The following WDR86 variants were observed in gnomAD, a reference collection of about 807,000 sequenced individuals.
WDR86 encodes the protein WD repeat domain 86, also known as WD repeat-containing protein 86.
Under a neutral mutation model 36.5 loss-of-function variants are expected in WDR86, and 30 were observed. The ratio of observed to expected loss-of-function variants is 0.82; its 90% CI spans 0.61 to 1.11. The LOEUF (loss-of-function observed/expected upper bound fraction) is 1.11, where lower values mean the gene tolerates loss of function less well. Among genes scored for constraint, WDR86 ranks in the 50% most tolerant of loss-of-function variants. The probability of loss-of-function intolerance (pLI) is 0.00; values close to 1 mark genes in which losing one functional copy is unlikely to be tolerated. For missense variants in WDR86, 545 were observed against 561.2 expected, an observed-to-expected ratio of 0.97 and a Z score of 0.29; for synonymous variants, 255 against 252.9, an observed-to-expected ratio of 1.01 and a Z score of -0.08.
Position 151,395,802 on chromosome 7 carries a change from G to T in WDR86, c.700C>A (p.His234Asn). The T allele has an allele frequency of 6.4e-7, 1 of 1,566,300 alleles. No individual in the cohort carries two copies. Reference protein sequence around the residue: ...SGEQLRVFREHRGSVICLELV... With the variant: ...SGEQLRVFRENRGSVICLELV... ...TCCAGACAGATGACGGAGCCCCGGT[G>T]CTCCCGGAACACCCGCAGCTGCTCC... The change falls in exon 3 of 6, where the codon CAC becomes AAC. Residue 234 changes from histidine to asparagine, a missense_variant. Physicochemically the swap from His to Asn is moderately conservative, Grantham distance 68 (BLOSUM62 1). Coordinates refer to ENST00000334493, the MANE Select transcript of WDR86 (RefSeq NM_198285.3).
chr7:151,393,032 A>T (rs542374168), intron 3 of WDR86, among the ~76,000 whole-genome samples: 2 of 152,122 alleles, frequency 1.3e-5, no homozygotes, highest in South Asian at 4.2e-4. Flanking sequence ...TTCCCATTCA[A>T]ATTGCTTTGT....
At chr7:151,410,184 T>G, upstream of WDR86, 5 of 704,030 alleles carry the variant, frequency 7.1e-6, no homozygotes, top group Non-Finnish European at 7.0e-6. Flanking sequence ...GCGACCCTCC[T>G]AGCTGCCCGG....
chr7:151,402,070 A>AAAAAAAAATATATATATAT, intron 1 of WDR86, among the ~76,000 whole-genome samples: 47 of 50,476 alleles, frequency 9.3e-4, no homozygotes, highest in Non-Finnish European at 1.4e-3. Flanking sequence ...AAAAAAAAAA[A>AAAAAAAAATATATATATAT]ATATATATAT....
At chr7:151,397,221 G>A (rs867291015) in intron 2 of WDR86, among the ~76,000 whole-genome samples, 1 of 152,122 alleles carries the variant, frequency 6.6e-6, no homozygotes, top group Non-Finnish European at 1.5e-5. Flanking sequence ...CCGTCCTCCC[G>A]CGAAGGGCTT....
At chr7:151,396,416 C>A (rs1327724643) in intron 2 of WDR86, among the ~76,000 whole-genome samples, 1 of 152,220 alleles carries the variant, frequency 6.6e-6, no homozygotes, top group African/African-American at 2.4e-5. Context: ...TGCCCCTGGG[C>A]ATGTACCTGT....
chr7:151,389,580 G>A (rs371644706), intron 3 of WDR86, among the ~76,000 whole-genome samples: 3 of 152,156 alleles, frequency 2.0e-5, no homozygotes, highest in African/African-American at 4.8e-5. Context: ...AATGGGGCTC[G>A]CAAAGCCACT....
rs1344408316 is a variant in WDR86, at chr7:151,397,676, GCA to G, written c.306-1482_306-1481del. ...GAGGAAGGGCATAGCGGGAGGAAGA[GCA>G]TAGCGGGAGGAAGAGGGTGTAGTGG... On this transcript the variant is annotated intron_variant, in intron 2 of 5. Transcript: ENST00000334493. 2.2e-3 allele frequency among the ~76,000 whole-genome samples: 109 copies of G among 50,254 alleles called. 2 individuals are homozygous for G. Among genetic ancestry groups the G allele is most frequent in the East Asian group, 4.5e-3 (4 of 896 alleles). 33.0% of individuals were successfully genotyped at this position (50,254 alleles called of 152,430 possible).
rs752130636 is a variant in WDR86, at chr7:151,381,464, G to A, written c.*118C>T. The A allele has an allele frequency of 1.4e-5, 21 of 1,488,588 alleles. 1 individual carries two copies. In the South Asian group the frequency reaches 1.5e-4, roughly 11 times the overall value. 92.2% of individuals were successfully genotyped at this position (1,488,588 alleles called of 1,614,324 possible). On this transcript the variant is annotated 3_prime_UTR_variant, in exon 6 of 6. Coordinates refer to ENST00000334493, the MANE Select transcript of WDR86 (RefSeq NM_198285.3). The surrounding 1 kb of genome is among the most constrained non-coding windows in gnomAD (Gnocchi z 4.8). ...CCTGCGACGGGCTCTCCTCCCGCCC[G>A]GGCTTCCTCGCTCCTCGCCCCTCGC...
chr7:151,384,994 A>G lies in WDR86; in HGVS notation c.862+94T>C, dbSNP rs554182149. ...ATTGGACGCTGATGATTGGCAGCCA[A>G]GGCTCAATGAGGGAAAATCCCATAG... On this transcript the variant is annotated intron_variant, in intron 4 of 5. Transcript: ENST00000334493. 7.9e-5 allele frequency: 107 copies of G among 1,353,782 alleles called. No individual in the cohort carries two copies. In the African/African-American group the frequency reaches 1.3e-3, roughly 17 times the overall value. The allele number at this position is 1,353,782 out of a possible 1,614,324, so 83.9% of individuals were successfully genotyped here.
chr7:151,384,229 G>C (rs1423734197), intron 4 of WDR86, among the ~76,000 whole-genome samples: 1 of 152,188 alleles, frequency 6.6e-6, no homozygotes, highest in Admixed American at 6.5e-5. Flanking sequence ...GAGACCTGTA[G>C]GACAGACAGC....
downstream of WDR86, chr7:151,381,058 G>A (rs1584987606): frequency 3.0e-6 from 3 of 1,007,068 alleles, no homozygotes; most frequent in East Asian, 1.2e-4. This position sits in a 1 kb window ranked among gnomAD's most constrained non-coding sequence, Gnocchi z 4.8. Flanking sequence ...CTGGGTTCCT[G>A]GAATCCCAAG....
intron 3 of WDR86, among the ~76,000 whole-genome samples, chr7:151,393,996 C>T (rs1030905739): frequency 1.3e-5 from 2 of 152,196 alleles, no homozygotes; most frequent in African/African-American, 4.8e-5. Flanking sequence ...CTGACCTTCC[C>T]TTCTTTCCTG....
At chr7:151,374,430 A>T (rs1182315724), downstream of WDR86, 3 of 752,736 alleles carry the variant, frequency 4.0e-6, no homozygotes, top group Non-Finnish European at 6.7e-6. Context: ...GTGAGGCCCC[A>T]TGCTCAGTGC....
chr7:151,387,104 C>T (rs1490793163), intron 3 of WDR86, among the ~76,000 whole-genome samples: 3 of 152,206 alleles, frequency 2.0e-5, no homozygotes, highest in African/African-American at 4.8e-5. Flanking sequence ...GTGCTTGCGT[C>T]CCAGACAGTC....
chr7:151,410,050 C>G, upstream of WDR86: 1 of 987,714 alleles, frequency 1.0e-6, no homozygotes, highest in Non-Finnish European at 1.2e-6. Context: ...CAGCCTGGCT[C>G]CTCCTCAGAG....
rs1158527791 is a variant in WDR86, at chr7:151,388,488, G to T, written c.727-3265C>A. The stretch of plus-strand genomic sequence containing the variant: ...GCCACCACAGACAGGGTGCCCCCTG[G>T]CTTTTTGACCTTGGGTTTGTCGCTT... On this transcript the variant is annotated intron_variant, in intron 3 of 5. Coordinates refer to ENST00000334493, the MANE Select transcript of WDR86 (RefSeq NM_198285.3). The surrounding 1 kb of genome is among the most constrained non-coding windows in gnomAD (Gnocchi z 4.2). Among the ~76,000 whole-genome samples the T allele has an allele frequency of 6.6e-6, 1 of 152,140 alleles. No individual in the cohort carries two copies. Among genetic ancestry groups the T allele is most frequent in the African/African-American group, 2.4e-5 (1 of 41,440 alleles).
In WDR86 at chr7:151,385,071, A is replaced by G. The variant is rs1178558949; in HGVS notation, c.862+17T>C. 6.3e-7 allele frequency: 1 copy of G among 1,580,984 alleles called. No homozygotes were observed. Among genetic ancestry groups the G allele is most frequent in the Non-Finnish European group, 8.6e-7 (1 of 1,159,566 alleles). On this transcript the variant is annotated intron_variant, in intron 4 of 5. Transcript: ENST00000334493. ...CAGGCTGGGGTGGCACAGGTCGTGC[A>G]GGGCCAAGTCACTTACAGGTGCCCG...
rs1461617293 is a variant in WDR86 at position 151,410,016 on chromosome 7, G to A, written c.-427C>T. ...AAGCCGAGCGCCCCGCGCCCTCCCC[G>A]GCCGAGCGCGGAACAATACGGTCCA... is the stretch of plus-strand genomic sequence containing the variant. On this transcript the variant is annotated 5_prime_UTR_variant, in exon 1 of 6. Coordinates refer to ENST00000334493, the MANE Select transcript of WDR86 (RefSeq NM_198285.3). 5 of 994,416 alleles carry A rather than the reference G, an allele frequency of 5.0e-6. No individual in the cohort carries two copies. Among genetic ancestry groups the A allele is most frequent in the Non-Finnish European group, 6.0e-6 (5 of 836,408 alleles). The allele number at this position is 994,416 out of a possible 1,614,324, so 61.6% of individuals were successfully genotyped here. A position where few individuals can be genotyped will look rare whatever the true frequency, so the allele number is the denominator to read the frequency against.
intron 4 of WDR86, among the ~76,000 whole-genome samples, chr7:151,382,257 G>T (rs1563042614): frequency 6.6e-6 from 1 of 152,228 alleles, no homozygotes; most frequent in Non-Finnish European, 1.5e-5. Context: ...GGTGAAGTTG[G>T]TTTCCGTGCC....
Sources: allele counts gnomAD v4.1 joint callset (sites outside exome capture counted in the v4.1 genomes callset), GRCh38; gene constraint gnomAD v4.1.1; non-coding constraint Gnocchi (gnomAD v3.1); transcripts MANE v1.5; gene names NCBI Gene and HGNC (gene_info 2026-07-23, HGNC 2026-07-21).